The following CDC42BPA variants were observed in gnomAD, a reference collection of about 807,000 sequenced individuals.
The protein encoded by CDC42BPA is CDC42 binding protein kinase alpha.
In CDC42BPA, 80 loss-of-function variants were observed where a neutral mutation model predicts 223.5. The observed-to-expected ratio is 0.36, with a 90% CI of 0.30 to 0.43. The LOEUF is 0.43. Among genes scored for constraint, CDC42BPA ranks in the 20% least tolerant of loss-of-function variants. The pLI is 1.00. For synonymous variants in CDC42BPA, 694 were observed against 718.6 expected (o/e 0.97, Z 0.55); for missense variants, 1,743 against 2,099.9 (o/e 0.83, Z 3.32).
intron 31 of CDC42BPA, among the ~76,000 whole-genome samples, chr1:227,023,727 T>C (rs1272412513): frequency 6.6e-6 from 1 of 152,132 alleles, no homozygotes; most frequent in Non-Finnish European, 1.5e-5. Flanking sequence ...GATGGAAGGG[T>C]AGATCACTGG....
At chr1:227,277,172 C>T (rs979468960) in intron 1 of CDC42BPA, among the ~76,000 whole-genome samples, 2 of 150,200 alleles carry the variant, frequency 1.3e-5, no homozygotes, top group African/African-American at 5.0e-5. Flanking sequence ...AAATGTACGC[C>T]AATAAACTTT....
chr1:227,008,813 T>C (rs1277460296), intron 34 of CDC42BPA, among the ~76,000 whole-genome samples: 1 of 152,004 alleles, frequency 6.6e-6, no homozygotes, highest in Non-Finnish European at 1.5e-5. Flanking sequence ...ATTTGGTTCA[T>C]CTACCAAATT....
chr1:227,263,002 G>A (rs1684351976), intron 1 of CDC42BPA, among the ~76,000 whole-genome samples: 1 of 152,256 alleles, frequency 6.6e-6, no homozygotes, highest in Middle Eastern at 3.4e-3. Flanking sequence ...TGAGGTAGAG[G>A]TGGGCAGATC....
At chr1:227,025,724 T>TA in intron 31 of CDC42BPA, among the ~76,000 whole-genome samples, 1 of 152,302 alleles carries the variant, frequency 6.6e-6, no homozygotes, top group South Asian at 2.1e-4. Context: ...TTATAATTCA[T>TA]AATAATCATG....
At chr1:227,108,101 C>T (rs1158140000) in intron 14 of CDC42BPA, among the ~76,000 whole-genome samples, 1 of 152,124 alleles carries the variant, frequency 6.6e-6, no homozygotes, top group East Asian at 1.9e-4. Flanking sequence ...TAGCTGTGCT[C>T]TACTCTTTAT....
intron 16 of CDC42BPA, among the ~76,000 whole-genome samples, chr1:227,085,050 T>TG (rs993509918): frequency 9.9e-5 from 15 of 152,184 alleles, no homozygotes; most frequent in African/African-American, 3.6e-4. Context: ...TGCCAAGCTT[T>TG]GGGACTGGAA....
intron 1 of CDC42BPA, among the ~76,000 whole-genome samples, chr1:227,300,039 C>T (rs1189458567): frequency 6.6e-6 from 1 of 152,056 alleles, no homozygotes; most frequent in Non-Finnish European, 1.5e-5. Flanking sequence ...CTAAAACAGA[C>T]ATGTAGGGAA....
At chr1:227,022,307 C>T (rs1221604431) in intron 32 of CDC42BPA, among the ~76,000 whole-genome samples, 2 of 152,070 alleles carry the variant, frequency 1.3e-5, no homozygotes, top group Admixed American at 6.5e-5. Flanking sequence ...GTGGTGCATA[C>T]CTATAATCCT....
intron 34 of CDC42BPA, among the ~76,000 whole-genome samples, chr1:227,007,435 T>C (rs1664319738): frequency 6.6e-6 from 1 of 152,210 alleles, no homozygotes. Context: ...CTGTAGAATA[T>C]ATAATGAAAT....
rs10599884 is a variant in CDC42BPA at position 227,273,995 on chromosome 1, C to CAAAAAAAAAAAAAAAAAAAAAAA, written c.179-19863_179-19841dup. On this transcript the variant is annotated intron_variant, in intron 1 of 36. Coordinates refer to ENST00000366766, the MANE Select transcript of CDC42BPA (RefSeq NM_001394014.1). ...ATAGTTTTCAAATATTCGTATACAC[C>CAAAAAAAAAAAAAAAAAAAAAAA]AAAAAAAAAAAAAAAAAAAAAAAAA... Among the ~76,000 whole-genome samples the CAAAAAAAAAAAAAAAAAAAAAAA allele has an allele frequency of 1.8e-4, 10 of 57,006 alleles. 1 individual carries two copies. Among genetic ancestry groups the CAAAAAAAAAAAAAAAAAAAAAAA allele is most frequent in the African/African-American group, 5.7e-4 (9 of 15,674 alleles). 37.4% of individuals were successfully genotyped at this position (57,006 alleles called of 152,430 possible). A position where few individuals can be genotyped will look rare whatever the true frequency, so the allele number is the denominator to read the frequency against.
In CDC42BPA at chr1:227,139,692, A is replaced by C; in HGVS notation, c.1274T>G (p.Leu425Arg). Residue 425 changes from leucine (L) to arginine (R), a missense_variant, in exon 10 of 37, where the codon CTG becomes CGG. By Grantham distance (102) the Leu-to-Arg change is moderately radical. Coordinates refer to ENST00000366766, the MANE Select transcript of CDC42BPA (RefSeq NM_001394014.1). ...CCTCTGAACATTAACATCAAGATCC[A>C]GTGAGGTGGGACCAGCCGTAACTCT... ...CLRVTAGPTSLDLDVNVQRTL... is the reference protein window; with the variant it reads ...CLRVTAGPTSRDLDVNVQRTL... 1 of 1,606,916 alleles carries C rather than the reference A, an allele frequency of 6.2e-7. No homozygotes were observed. The highest frequency in any genetic ancestry group is 1.1e-5 in the South Asian group (1 of 89,178).
intron 1 of CDC42BPA, among the ~76,000 whole-genome samples, chr1:227,313,379 T>C (rs1194487183): frequency 6.6e-6 from 1 of 152,184 alleles, no homozygotes; most frequent in Non-Finnish European, 1.5e-5. Context: ...AAGTGTAATT[T>C]CTCTTAAAAA....
intron 4 of CDC42BPA, among the ~76,000 whole-genome samples, chr1:227,196,574 C>A (rs539654695): frequency 6.6e-6 from 1 of 152,118 alleles, no homozygotes; most frequent in Admixed American, 6.5e-5. Context: ...CTCCTGACCT[C>A]ATGATCCGCC....
intron 2 of CDC42BPA, among the ~76,000 whole-genome samples, chr1:227,251,285 ACCAAGGATACATGTGGTAATTG>A (rs1285882490): frequency 6.6e-6 from 1 of 152,176 alleles, no homozygotes; most frequent in Admixed American, 6.5e-5. Context: ...ATATAAATTT[ACCAAGGATACATGTGGTAATTG>A]CCAGGGGAAC....
intron 6 of CDC42BPA, among the ~76,000 whole-genome samples, chr1:227,154,815 G>T (rs1411508695): frequency 6.6e-6 from 1 of 151,990 alleles, no homozygotes; most frequent in Non-Finnish European, 1.5e-5. Context: ...TTCAAAGCAG[G>T]TCTTAAATAC....
chr1:227,022,517 C>G (rs1667568805), intron 32 of CDC42BPA, among the ~76,000 whole-genome samples: 1 of 152,130 alleles, frequency 6.6e-6, no homozygotes, highest in African/African-American at 2.4e-5. Context: ...CAGAAATTTA[C>G]AAATACTTCT....
chr1:227,250,035 G>GT (rs1381886892), intron 2 of CDC42BPA, among the ~76,000 whole-genome samples: 8 of 152,144 alleles, frequency 5.3e-5, no homozygotes, highest in Non-Finnish European at 7.3e-5. Flanking sequence ...TGGATTTTCT[G>GT]TAACACAAAG....
chr1:227,054,806 T>C (rs1674228610), intron 21 of CDC42BPA, among the ~76,000 whole-genome samples: 2 of 152,092 alleles, frequency 1.3e-5, no homozygotes, highest in African/African-American at 4.8e-5. Context: ...AAATAGAAAA[T>C]ATTTAATTTA....
rs757998486 is a variant in CDC42BPA, at chr1:227,316,980, G to C, written c.178+25C>G. 12 of 1,560,706 alleles carry C rather than the reference G, an allele frequency of 7.7e-6. No individual in the cohort carries two copies. In the Admixed American group the frequency reaches 8.4e-5, roughly 11 times the overall value. ...CATAATGACCAGCTAAAGATTAACAGTTTCTTTAAAAATTACAAACTTACC... is the reference window on the plus strand; with the variant it reads ...CATAATGACCAGCTAAAGATTAACACTTTCTTTAAAAATTACAAACTTACC... On this transcript the variant is annotated intron_variant, in intron 1 of 36. Transcript: ENST00000366766.
Sources: allele counts gnomAD v4.1 joint callset (sites outside exome capture counted in the v4.1 genomes callset), GRCh38; gene constraint gnomAD v4.1.1; transcripts MANE v1.5; gene names NCBI Gene and HGNC (gene_info 2026-07-23, HGNC 2026-07-21).